Variants in ENTPD3 observed in about 807,000 individuals in gnomAD.
ENTPD3 encodes the protein ectonucleoside triphosphate diphosphohydrolase 3, also known as CD39 antigen-like 3.
ENTPD3 carries 60 observed loss-of-function variants against 51.2 expected under a neutral mutation model. The ratio of observed to expected loss-of-function variants is 1.17; its 90% CI spans 0.95 to 1.45. ENTPD3 has a LOEUF of 1.45. Among genes scored for constraint, ENTPD3 ranks in the 40% most tolerant of loss-of-function variants. The pLI, the probability that ENTPD3 is intolerant of heterozygous loss-of-function variation, is 0.00. For missense variants in ENTPD3, 593 were observed against 641.1 expected (o/e 0.93, Z 0.81); for synonymous variants, 221 against 238.4 (o/e 0.93, Z 0.67).
rs1955066571 is a variant in ENTPD3 at position 40,391,916 on chromosome 3, G to A, written c.41-107G>A. 3 of 1,291,724 alleles carry A rather than the reference G, an allele frequency of 2.3e-6. No individual in the cohort carries two copies. In the Admixed American group the frequency reaches 5.4e-5, roughly 23 times the overall value. The allele number at this position is 1,291,724 out of a possible 1,614,324, so 80.0% of individuals were successfully genotyped here. On this transcript the variant is annotated intron_variant, in intron 2 of 10. Transcript: ENST00000301825. ...TGTGGGTCTCGCTAACACCAGAGAA[G>A]GTGGTTTATGCACCTGATTATGGGG...
Position 40,427,563 on chromosome 3 carries a change from A to G in ENTPD3, c.*55A>G. ...GCTGCTTAGAGTCAGCCTGGGTGGC[A>G]CCAGGCAATGCAGGTGAAGTGGCTG... On this transcript the variant is annotated 3_prime_UTR_variant, in exon 11 of 11. Transcript: ENST00000301825. 7.4e-7 allele frequency: 1 copy of G among 1,358,338 alleles called. No individual in the cohort carries two copies. The highest frequency in any genetic ancestry group is 1.1e-6 in the Non-Finnish European group (1 of 950,524). 84.1% of individuals were successfully genotyped at this position (1,358,338 alleles called of 1,614,324 possible). A position where few individuals can be genotyped will look rare whatever the true frequency, so the allele number is the denominator to read the frequency against.
chr3:40,392,576 A>C (rs1239564914), intron 3 of ENTPD3: 1 of 137,492 alleles, frequency 7.3e-6, no homozygotes, highest in Non-Finnish European at 1.5e-5. Flanking sequence ...ATCTCTATCA[A>C]AAAAAAAAAA....
chr3:40,401,086 G>C, intron 4 of ENTPD3, 75 bp downstream of exon 4: 1 of 549,772 alleles, frequency 1.8e-6, no homozygotes, highest in Non-Finnish European at 2.7e-6. Flanking sequence ...GGCCTGGAGA[G>C]GTCCTGAGAT....
chr3:40,423,447 G>C (rs1188947360), intron 9 of ENTPD3, 46 bp downstream of exon 9: 1 of 1,297,772 alleles, frequency 7.7e-7, no homozygotes, highest in Admixed American at 1.7e-5. Flanking sequence ...AAAAAAATAT[G>C]GTAGAATCTA....
intron 4 of ENTPD3, among the ~76,000 whole-genome samples, chr3:40,405,124 G>A (rs1955459945): frequency 6.6e-6 from 1 of 152,086 alleles, no homozygotes; most frequent in Non-Finnish European, 1.5e-5. Flanking sequence ...AATTACTTAA[G>A]CTCCACTAGA....
chr3:40,406,611 G>A (rs1046177776), intron 4 of ENTPD3, among the ~76,000 whole-genome samples: 15 of 152,210 alleles, frequency 9.9e-5, no homozygotes, highest in Non-Finnish European at 1.5e-5. Flanking sequence ...ATTTGCCCTT[G>A]ACTAGTGCTT....
Position 40,414,739 on chromosome 3 carries a change from T to A in ENTPD3, c.496T>A (p.Ser166Thr). ...VLESIQSYFK[S>T]QPFDFRGAQI... ...TGAAAGCATCCAAAGCTACTTCAAG[T>A]CCCAGCCCTTTGACTTTAGGGGTGC... The change falls in exon 6 of 11, where the codon TCC becomes ACC. Residue 166 changes from serine to threonine, a missense_variant. Coordinates refer to ENST00000301825, the MANE Select transcript of ENTPD3 (RefSeq NM_001248.4). The A allele has an allele frequency of 6.2e-7, 1 of 1,614,104 alleles. No homozygotes were observed. Among genetic ancestry groups the A allele is most frequent in the African/African-American group, 1.3e-5 (1 of 75,028 alleles).
chr3:40,413,483 CTTGG>C (rs532865007), intron 5 of ENTPD3, among the ~76,000 whole-genome samples: 217 of 152,246 alleles, frequency 1.4e-3, no homozygotes, highest in African/African-American at 5.1e-3. Flanking sequence ...ATGTAAACTT[CTTGG>C]TTGAACTGGC....
At position 40,412,240 on chromosome 3, in the gene ENTPD3, T is replaced by C. The variant is rs62263880; in HGVS notation, c.437+278T>C. Among the ~76,000 whole-genome samples the C allele has an allele frequency of 4.4e-3, 670 of 152,352 alleles. 6 individuals carry two copies. Among genetic ancestry groups the C allele is most frequent in the Non-Finnish European group, 6.2e-3 (419 of 68,032 alleles). ...TCATATGAAATCTGCTCATGGGATA[T>C]AACTCTAGTTCTTTGAAAAGTAGTT... is the stretch of plus-strand genomic sequence containing the variant. On this transcript the variant is annotated intron_variant, in intron 5 of 10. Transcript: ENST00000301825.
In ENTPD3 at chr3:40,416,098, G is replaced by A. The variant is rs377177110; in HGVS notation, c.831+25G>A. The A allele has an allele frequency of 2.0e-5, 32 of 1,578,830 alleles. No homozygotes were observed. The African/African-American group carries it at 3.8e-4, about 19-fold the overall frequency. On this transcript the variant is annotated intron_variant, in intron 7 of 10. Transcript: ENST00000301825. ...GGTACTTGAGTCGGGGGTAGGGGGT[G>A]GCAGGTGTTCTCTTGAGGGTTTGAG...
chr3:40,392,733 A>T (rs1011203711), intron 3 of ENTPD3, among the ~76,000 whole-genome samples: 3 of 152,050 alleles, frequency 2.0e-5, no homozygotes, highest in African/African-American at 7.2e-5. Context: ...AGGAAGAAGG[A>T]TTGCTTGAGC....
chr3:40,400,515 T>A (rs1955327380), intron 3 of ENTPD3, among the ~76,000 whole-genome samples: 1 of 152,146 alleles, frequency 6.6e-6, no homozygotes, highest in African/African-American at 2.4e-5. Flanking sequence ...TGAAGTACAA[T>A]TCTCAACCTT....
At chr3:40,422,269 T>C (rs1955891424) in intron 7 of ENTPD3, among the ~76,000 whole-genome samples, 1 of 143,336 alleles carries the variant, frequency 7.0e-6, no homozygotes. Context: ...GTGATAGAAT[T>C]TGCAAAAGGG....
rs550013333 is a variant in ENTPD3, at chr3:40,420,457, C to T, written c.832-2393C>T. ...GGTTTCACTGTGTTAGCCAGGATGG[C>T]CTCGATCTCCTGACCTCGTGATCCG... On this transcript the variant is annotated intron_variant, in intron 7 of 10. Coordinates refer to ENST00000301825, the MANE Select transcript of ENTPD3 (RefSeq NM_001248.4). Among the ~76,000 whole-genome samples, 28 of 151,850 alleles carry T rather than the reference C, an allele frequency of 1.8e-4. 1 individual carries two copies. In the South Asian group the frequency reaches 5.8e-3, roughly 32 times the overall value.
intron 10 of ENTPD3, chr3:40,424,854 C>A: frequency 1.4e-6 from 1 of 695,810 alleles, no homozygotes; most frequent in Non-Finnish European, 2.6e-6. Flanking sequence ...CAATCAATAT[C>A]CTGCATTAGG....
chr3:40,389,641 T>G (rs1337360120), intron 2 of ENTPD3, among the ~76,000 whole-genome samples: 2 of 152,208 alleles, frequency 1.3e-5, no homozygotes, highest in Non-Finnish European at 2.9e-5. Flanking sequence ...AGTGACCAAC[T>G]TTGACACCAA....
rs1553643065 is a variant in ENTPD3 at position 40,402,123 on chromosome 3, C to CTTTCTTTT, written c.286+1115_286+1116insCTTTTTTT. ...TTCATTTCCTTTCCTTTTTTTTTTT[C>CTTTCTTTT]TTTTTTTTTTTTTGAGACAGAGTCT... On this transcript the variant is annotated intron_variant, in intron 4 of 10. Transcript: ENST00000301825. Among the ~76,000 whole-genome samples the CTTTCTTTT allele has an allele frequency of 2.1e-5, 2 of 95,024 alleles. 1 individual carries two copies. Among genetic ancestry groups the CTTTCTTTT allele is most frequent in the African/African-American group, 7.8e-5 (2 of 25,662 alleles). 62.3% of individuals were successfully genotyped at this position (95,024 alleles called of 152,430 possible). A position where few individuals can be genotyped will look rare whatever the true frequency, so the allele number is the denominator to read the frequency against.
intron 3 of ENTPD3, among the ~76,000 whole-genome samples, chr3:40,397,124 T>C (rs1223864941): frequency 8.2e-5 from 12 of 146,912 alleles, no homozygotes; most frequent in Admixed American, 2.7e-4. Context: ...AGTTTCTTTT[T>C]TTTTTTTTTT....
At chr3:40,406,584 A>G (rs1325672732) in intron 4 of ENTPD3, among the ~76,000 whole-genome samples, 1 of 152,178 alleles carries the variant, frequency 6.6e-6, no homozygotes, top group African/African-American at 2.4e-5. Context: ...TACGGGTGAG[A>G]GATTAGGTGA....
Sources: gnomAD v4.1 joint callset for allele counts (sites outside exome capture counted in the v4.1 genomes callset) on GRCh38, gnomAD v4.1.1 for gene constraint, MANE v1.5 for transcripts, NCBI Gene and HGNC (gene_info 2026-07-23, HGNC 2026-07-21) for gene names.